Variants in TPRG1 observed in about 807,000 individuals in gnomAD.
TPRG1 encodes the protein tumor protein p63-regulated gene 1 protein.
In TPRG1, 29 loss-of-function variants were observed where a neutral mutation model predicts 29.3. That is an observed-to-expected ratio of 0.99 (90% CI 0.74 to 1.35). The LOEUF is 1.35. TPRG1 is among the 40% of genes most tolerant of loss of function. The probability of loss-of-function intolerance (pLI) is 0.00; values close to 1 mark genes in which losing one functional copy is unlikely to be tolerated. For missense variants in TPRG1, 327 were observed against 335.0 expected (o/e 0.98, Z 0.19); for synonymous variants, 130 against 116.8 (o/e 1.11, Z -0.73).
chr3:189,011,810 AAC>A (rs373692833), intron 3 of TPRG1, among the ~76,000 whole-genome samples: 1 of 152,280 alleles, frequency 6.6e-6, no homozygotes, highest in African/African-American at 2.4e-5. Flanking sequence ...GATTTCTTTG[AAC>A]AGTTATTTGT....
At chr3:189,149,678 G>A (rs1035965597) in intron 4 of TPRG1, among the ~76,000 whole-genome samples, 1 of 152,108 alleles carries the variant, frequency 6.6e-6, no homozygotes, top group Non-Finnish European at 1.5e-5. Context: ...CTTGTTCCTT[G>A]TCTTTACTCA....
At chr3:189,313,120 C>G (rs1356548937) in intron 5 of TPRG1, 1 of 152,018 alleles carries the variant, frequency 6.6e-6, no homozygotes, top group African/African-American at 2.4e-5. Context: ...TCAAAGGCCA[C>G]CCAAAGTCCC....
chr3:189,072,576 T>C (rs975788328), intron 4 of TPRG1, among the ~76,000 whole-genome samples: 3 of 152,184 alleles, frequency 2.0e-5, no homozygotes, highest in Middle Eastern at 3.2e-3. Context: ...GTGCCCTTCA[T>C]TGGTAATGTT....
At chr3:189,131,719 T>A (rs1327472299) in intron 2 of TPRG1, among the ~76,000 whole-genome samples, 1 of 152,206 alleles carries the variant, frequency 6.6e-6, no homozygotes, top group East Asian at 1.9e-4. Context: ...ATCCTTATCC[T>A]ATATTGGCTT....
At chr3:189,217,319 G>T (rs957293976) in intron 3 of TPRG1, among the ~76,000 whole-genome samples, 3 of 152,176 alleles carry the variant, frequency 2.0e-5, no homozygotes, top group African/African-American at 7.2e-5. Flanking sequence ...AAGCTCAAAA[G>T]TTGGTAAAGC....
intron 4 of TPRG1, among the ~76,000 whole-genome samples, chr3:189,297,341 T>C (rs1472009543): frequency 1.3e-5 from 2 of 152,140 alleles, no homozygotes; most frequent in Non-Finnish European, 2.9e-5. Context: ...TGACCATGCC[T>C]TTCACTTCTC....
At chr3:189,202,320 G>A (rs1234021189) in intron 1 of TPRG1, among the ~76,000 whole-genome samples, 2 of 152,106 alleles carry the variant, frequency 1.3e-5, no homozygotes, top group African/African-American at 4.8e-5. Flanking sequence ...CCGGGGGTAG[G>A]CTAGCTCTGA....
At chr3:189,269,765 G>C (rs961648319) in intron 4 of TPRG1, among the ~76,000 whole-genome samples, 1 of 152,164 alleles carries the variant, frequency 6.6e-6, no homozygotes, top group African/African-American at 2.4e-5. Flanking sequence ...GTGGTCTTAG[G>C]GGACTGTGGT....
intron 5 of TPRG1, among the ~76,000 whole-genome samples, chr3:189,159,865 T>TG (rs1727236272): frequency 7.3e-6 from 1 of 137,538 alleles, no homozygotes; most frequent in East Asian, 2.3e-4. Context: ...TGTGTGTGTG[T>TG]GTGGTGGTGG....
chr3:189,165,631 G>A (rs1728075785), intron 5 of TPRG1, among the ~76,000 whole-genome samples: 1 of 152,024 alleles, frequency 6.6e-6, no homozygotes, highest in South Asian at 2.1e-4. Flanking sequence ...ACTAAAGGCT[G>A]CCCTGGCATG....
chr3:189,101,600 C>T (rs1000228023), intron 1 of TPRG1, among the ~76,000 whole-genome samples: 11 of 152,084 alleles, frequency 7.2e-5, no homozygotes, highest in East Asian at 5.8e-4. Flanking sequence ...GGTCAATATT[C>T]GGGACCATCC....
intron 3 of TPRG1, among the ~76,000 whole-genome samples, chr3:189,010,560 G>A (rs1712545219): frequency 6.6e-6 from 1 of 152,012 alleles, no homozygotes; most frequent in African/African-American, 2.4e-5. Context: ...TTTCATGTTT[G>A]TTGGCTGCAT....
chr3:189,248,997 T>C (rs1741758039), intron 4 of TPRG1, among the ~76,000 whole-genome samples: 2 of 151,370 alleles, frequency 1.3e-5, no homozygotes, highest in African/African-American at 2.4e-5. Context: ...ATAGAGTAAA[T>C]AAATGGTAGT....
intron 5 of TPRG1, among the ~76,000 whole-genome samples, chr3:189,160,968 T>A (rs1578602284): frequency 6.6e-6 from 1 of 152,226 alleles, no homozygotes; most frequent in South Asian, 2.1e-4. Flanking sequence ...AAAAGGTGCC[T>A]CATAATGGCC....
intron 4 of TPRG1, among the ~76,000 whole-genome samples, chr3:189,070,800 A>G (rs1716769401): frequency 6.6e-6 from 1 of 152,126 alleles, no homozygotes; most frequent in Non-Finnish European, 1.5e-5. Context: ...AGCAAAGGCA[A>G]TTACCTGAAA....
intron 1 of TPRG1, among the ~76,000 whole-genome samples, chr3:189,200,138 A>G (rs886351733): frequency 2.0e-5 from 3 of 152,202 alleles, no homozygotes; most frequent in Non-Finnish European, 2.9e-5. Flanking sequence ...ACTTTATAGC[A>G]GAGCAGAGGA....
At chr3:189,237,039 T>C (rs1272339699) in intron 3 of TPRG1, among the ~76,000 whole-genome samples, 1 of 152,142 alleles carries the variant, frequency 6.6e-6, no homozygotes, top group Non-Finnish European at 1.5e-5. Flanking sequence ...TTGTCTTCAT[T>C]TCACAGACGT....
intron 2 of TPRG1, among the ~76,000 whole-genome samples, chr3:189,001,081 A>G (rs1711997118): frequency 6.6e-6 from 1 of 152,156 alleles, no homozygotes; most frequent in South Asian, 2.1e-4. Context: ...CCTCACTTCA[A>G]AATGACATTG....
chr3:189,254,982 A>T (rs1711579527), intron 4 of TPRG1, among the ~76,000 whole-genome samples: 1 of 152,066 alleles, frequency 6.6e-6, no homozygotes, highest in African/African-American at 2.4e-5. Flanking sequence ...AGATAATTTG[A>T]CTTCCTCTCT....
Sources: gnomAD v4.1 joint callset for allele counts (sites outside exome capture counted in the v4.1 genomes callset) on GRCh38, gnomAD v4.1.1 for gene constraint, MANE v1.5 for transcripts, NCBI Gene and HGNC (gene_info 2026-07-23, HGNC 2026-07-21) for gene names.